Variants in ZGPAT observed in about 807,000 individuals in gnomAD.
ZGPAT encodes the protein zinc finger CCCH-type with G patch domain-containing protein.
Under a neutral mutation model 47.9 loss-of-function variants are expected in ZGPAT, and 39 were observed. That is an observed-to-expected ratio of 0.81 (90% CI 0.63 to 1.06). The LOEUF is 1.06. ZGPAT is among the 50% of genes least tolerant of loss of function. ZGPAT has a pLI of 0.00. For missense variants in ZGPAT, 717 were observed against 681.4 expected, an observed-to-expected ratio of 1.05 and a Z score of -0.58; for synonymous variants, 348 against 292.9, an observed-to-expected ratio of 1.19 and a Z score of -1.92.
intron 2 of ZGPAT, among the ~76,000 whole-genome samples, chr20:63,715,834 A>G: frequency 1.1e-5 from 1 of 87,406 alleles, no homozygotes; most frequent in Admixed American, 1.1e-4. Flanking sequence ...AATCATATAT[A>G]GAGAGAGAGA....
chr20:63,733,820 A>G lies in ZGPAT; in HGVS notation c.871+81A>G, dbSNP rs1362854003. 3 of 1,529,256 alleles carry G rather than the reference A, an allele frequency of 2.0e-6. No homozygotes were observed. The African/African-American group carries it at 4.1e-5, about 21-fold the overall frequency. The allele number at this position is 1,529,256 out of a possible 1,614,324, so 94.7% of individuals were successfully genotyped here. ...CTCCTGGCCGGTGAGGGCACCAACC[A>G]TCTAACCAAACTATTGGAGAGTGTG... On this transcript the variant is annotated intron_variant, in intron 4 of 6. Transcript: ENST00000355969.
In ZGPAT at chr20:63,730,587, C is replaced by T. The variant is rs527612678; in HGVS notation, c.585-2632C>T. Among the ~76,000 whole-genome samples the T allele has an allele frequency of 6.4e-4, 98 of 152,272 alleles. 1 individual carries two copies. The South Asian group carries it at 7.1e-3, about 11-fold the overall frequency. Reference sequence around the variant, plus strand: ...GCAACCTCCGCCTCCCGGGTTCAAGCGATTCTTGTGCCTCAGCCTCCCGAG... The same window carrying T: ...GCAACCTCCGCCTCCCGGGTTCAAGTGATTCTTGTGCCTCAGCCTCCCGAG... On this transcript the variant is annotated intron_variant, in intron 2 of 6. Transcript: ENST00000355969.
At chr20:63,735,663 G>C (rs1426445617) in intron 6 of ZGPAT, 99 bp downstream of exon 6, 7 of 1,513,600 alleles carry the variant, frequency 4.6e-6, no homozygotes, top group Non-Finnish European at 6.2e-6. Context: ...AGCGGGCTGA[G>C]TCCAGGAGGG....
chr20:63,732,364 C>T (rs372294715), intron 2 of ZGPAT, among the ~76,000 whole-genome samples: 7,496 of 29,994 alleles, frequency 0.25, 729 homozygotes, highest in African/African-American at 0.48. Context: ...GTGCATGTGT[C>T]AGGGTGTGTG....
chr20:63,733,654 G>A lies in ZGPAT; in HGVS notation c.786G>A (p.Gly262=), dbSNP rs2091945980. The A allele has an allele frequency of 2.5e-6, 4 of 1,613,890 alleles. No homozygotes were observed. Among genetic ancestry groups the A allele is most frequent in the African/African-American group, 2.7e-5 (2 of 74,924 alleles). The part of the protein sequence containing the change: ...SLLLREAVVE[G]DGILPPLRTE... ...TGCTGAGGGAGGCCGTGGTGGAGGG[G>A]GACGGCATCCTGCCCCCACTGCGCA... Residue 262 remains glycine (G), a synonymous_variant, in exon 4 of 7, where the codon GGG becomes GGA. Coordinates refer to ENST00000355969, the MANE Select transcript of ZGPAT (RefSeq NM_181485.3).
At chr20:63,716,392 T>C (rs1233072824) in intron 2 of ZGPAT, among the ~76,000 whole-genome samples, 1 of 152,224 alleles carries the variant, frequency 6.6e-6, no homozygotes, top group African/African-American at 2.4e-5. Context: ...GTTTATGTTA[T>C]CTAATCTGTT....
At chr20:63,715,395 A>C (rs942825904) in intron 2 of ZGPAT, among the ~76,000 whole-genome samples, 3 of 151,914 alleles carry the variant, frequency 2.0e-5, no homozygotes, top group Admixed American at 2.0e-4. Flanking sequence ...GCCCGCCACT[A>C]TGCCCAGCTA....
Position 63,736,012 on chromosome 20 carries a change from G to C in ZGPAT, c.*93G>C. Reference sequence around the variant, plus strand: ...TGCCCGAGGAGGGGCCGGCCTGCTGGCCTGGGGCGTGCAGACACTGCTGAG... The same window carrying C: ...TGCCCGAGGAGGGGCCGGCCTGCTGCCCTGGGGCGTGCAGACACTGCTGAG... On this transcript the variant is annotated 3_prime_UTR_variant, in exon 7 of 7. Coordinates refer to ENST00000355969, the MANE Select transcript of ZGPAT (RefSeq NM_181485.3). The C allele has an allele frequency of 3.9e-6, 6 of 1,531,198 alleles. No individual in the cohort carries two copies. Among genetic ancestry groups the C allele is most frequent in the Non-Finnish European group, 5.3e-6 (6 of 1,136,082 alleles). The allele number at this position is 1,531,198 out of a possible 1,614,324, so 94.9% of individuals were successfully genotyped here.
At chr20:63,725,791 T>TC (rs1568794092) in intron 2 of ZGPAT, among the ~76,000 whole-genome samples, 1 of 151,414 alleles carries the variant, frequency 6.6e-6, no homozygotes, top group East Asian at 1.9e-4. Context: ...CAACCTTTTT[T>TC]CTCCTTATTC....
At chr20:63,707,855 C>A (rs1160208720), upstream of ZGPAT, 2 of 152,662 alleles carry the variant, frequency 1.3e-5, no homozygotes, top group African/African-American at 4.8e-5. Flanking sequence ...CACCGCACAG[C>A]CTGCGGCCTA....
chr20:63,729,875 A>G lies in ZGPAT; in HGVS notation c.585-3344A>G, dbSNP rs894386430. Among the ~76,000 whole-genome samples the G allele has an allele frequency of 6.6e-5, 10 of 152,208 alleles. No homozygotes were observed. In the East Asian group the frequency reaches 1.7e-3, roughly 26 times the overall value. ...GGCTCAACAAAAAGATTCAAAAATT[A>G]GCTGGCATGGTGGCACACTCCCATA... is the stretch of plus-strand genomic sequence containing the variant. On this transcript the variant is annotated intron_variant, in intron 2 of 6. Coordinates refer to ENST00000355969, the MANE Select transcript of ZGPAT (RefSeq NM_181485.3).
At chr20:63,714,419 C>A (rs544135955) in intron 2 of ZGPAT, among the ~76,000 whole-genome samples, 1 of 80,550 alleles carries the variant, frequency 1.2e-5, no homozygotes, top group Non-Finnish European at 2.4e-5. Flanking sequence ...GAGCAAGAAC[C>A]CTGTCTTTAA....
intron 2 of ZGPAT, among the ~76,000 whole-genome samples, chr20:63,713,894 A>C (rs1259086639): frequency 6.6e-6 from 1 of 151,584 alleles, no homozygotes; most frequent in Admixed American, 6.6e-5. Flanking sequence ...AAAGAAATAC[A>C]GTGGATTTTT....
intron 2 of ZGPAT, among the ~76,000 whole-genome samples, chr20:63,713,982 G>A (rs946876788): frequency 3.3e-5 from 5 of 151,628 alleles, no homozygotes; most frequent in South Asian, 2.1e-4. Flanking sequence ...TAGGATTTTC[G>A]ATATATACAA....
chr20:63,716,080 AG>A (rs2091725660), intron 2 of ZGPAT, among the ~76,000 whole-genome samples: 1 of 152,164 alleles, frequency 6.6e-6, no homozygotes, highest in African/African-American at 2.4e-5. Flanking sequence ...CCCAGGCTGG[AG>A]TGCAGTGGTG....
intron 1 of ZGPAT, 81 bp from the exon 2 acceptor site, chr20:63,708,472 G>A (rs1045956627): frequency 9.7e-5 from 97 of 996,248 alleles, no homozygotes; most frequent in Non-Finnish European, 1.3e-4. Context: ...AGGGAAAGGG[G>A]ACGTGCCCGT....
At chr20:63,733,840 A>G (rs2091948416) in intron 4 of ZGPAT, 101 bp downstream of exon 4, 1 of 1,478,454 alleles carries the variant, frequency 6.8e-7, no homozygotes. Flanking sequence ...ACTATTGGAG[A>G]GTGTGTGACT....
At chr20:63,719,354 A>G (rs1366882777) in intron 2 of ZGPAT, among the ~76,000 whole-genome samples, 2 of 152,128 alleles carry the variant, frequency 1.3e-5, no homozygotes, top group Admixed American at 1.3e-4. Context: ...TTGAAATACT[A>G]GTTTTGTTTC....
At chr20:63,727,964 G>C (rs1371870947) in intron 2 of ZGPAT, among the ~76,000 whole-genome samples, 1 of 150,982 alleles carries the variant, frequency 6.6e-6, no homozygotes, top group African/African-American at 2.4e-5. Flanking sequence ...TAGTTAAGTT[G>C]TTTGGACTTA....
Sources: allele counts gnomAD v4.1 joint callset (sites outside exome capture counted in the v4.1 genomes callset), GRCh38; gene constraint gnomAD v4.1.1; transcripts MANE v1.5; gene names NCBI Gene and HGNC (gene_info 2026-07-23, HGNC 2026-07-21).